Variants in JAK1 observed in about 807,000 individuals in gnomAD.
The protein encoded by JAK1 is Janus kinase 1, also known as tyrosine-protein kinase JAK1.
Under a neutral mutation model 136.6 loss-of-function variants are expected in JAK1, and 16 were observed. The observed-to-expected ratio is 0.12, with a 90% CI of 0.08 to 0.18. JAK1 has a LOEUF of 0.18. Ranked by LOEUF, JAK1 falls within the 10% of genes least tolerant of loss-of-function variation. The pLI is 1.00. For synonymous variants in JAK1, 492 were observed against 519.5 expected, an observed-to-expected ratio of 0.95 and a Z score of 0.72; for missense variants, 859 against 1,450.1, an observed-to-expected ratio of 0.59 and a Z score of 6.62.
intron 1 of JAK1, among the ~76,000 whole-genome samples, chr1:64,934,483 A>C (rs192121305): frequency 6.6e-6 from 1 of 152,126 alleles, no homozygotes; most frequent in East Asian, 1.9e-4. Context: ...GAATCCACAG[A>C]GCAGTAAAGA....
intron 1 of JAK1, among the ~76,000 whole-genome samples, chr1:64,931,496 T>C (rs1383665502): frequency 6.6e-6 from 1 of 151,734 alleles, no homozygotes; most frequent in African/African-American, 2.4e-5. Context: ...TCCCCAACCA[T>C]GGCAGTAGGA....
chr1:65,009,655 T>A (rs1232229340), intron 2 of JAK1, among the ~76,000 whole-genome samples: 1 of 152,184 alleles, frequency 6.6e-6, no homozygotes, highest in Non-Finnish European at 1.5e-5. Flanking sequence ...CCTGCTATGA[T>A]CCAGACACAT....
intron 1 of JAK1, among the ~76,000 whole-genome samples, chr1:64,946,158 G>A (rs1375027506): frequency 3.3e-5 from 5 of 151,890 alleles, no homozygotes; most frequent in Non-Finnish European, 7.4e-5. Context: ...CTTGTTAAGA[G>A]GGAGATCTAC....
At chr1:65,047,915 T>TA (rs534961906) in intron 1 of JAK1, among the ~76,000 whole-genome samples, 60 of 148,156 alleles carry the variant, frequency 4.0e-4, no homozygotes, top group East Asian at 3.4e-3. Context: ...ATAATACAGG[T>TA]AAAAAAAAAA....
intron 2 of JAK1, among the ~76,000 whole-genome samples, chr1:64,982,160 T>C (rs1049604728): frequency 6.6e-6 from 1 of 152,050 alleles, no homozygotes; most frequent in Non-Finnish European, 1.5e-5. Context: ...AAGCAGTCTT[T>C]CTGTTGGCTG....
chr1:65,028,561 T>G (rs1646997774), intron 2 of JAK1, among the ~76,000 whole-genome samples: 1 of 152,152 alleles, frequency 6.6e-6, no homozygotes. Context: ...ATACCACTAA[T>G]CCTTTCTCTT....
At chr1:64,956,826 C>T (rs1345135826) in intron 1 of JAK1, among the ~76,000 whole-genome samples, 1 of 152,136 alleles carries the variant, frequency 6.6e-6, no homozygotes, top group African/African-American at 2.4e-5. Flanking sequence ...ATAAATCTAC[C>T]ATTCACAGAA....
intron 2 of JAK1, chr1:64,985,672 T>C (rs1025251071): frequency 6.9e-6 from 5 of 725,124 alleles, no homozygotes; most frequent in Non-Finnish European, 1.3e-5. Context: ...ATGTCTCCGA[T>C]GTACGTGGGC....
intron 6 of JAK1, among the ~76,000 whole-genome samples, chr1:64,868,785 C>A (rs551146931): frequency 1.3e-5 from 2 of 152,290 alleles, no homozygotes; most frequent in South Asian, 4.1e-4. Flanking sequence ...TTAAATATTC[C>A]TTCACAGAGA....
chr1:64,837,316 T>TG (rs2100939915), intron 22 of JAK1, among the ~76,000 whole-genome samples: 1 of 152,294 alleles, frequency 6.6e-6, no homozygotes, highest in African/African-American at 2.4e-5. Context: ...TTTGTGTCCA[T>TG]GTAGGATGCA....
At chr1:65,018,793 G>T (rs1373595824) in intron 2 of JAK1, among the ~76,000 whole-genome samples, 3 of 152,104 alleles carry the variant, frequency 2.0e-5, no homozygotes, top group African/African-American at 7.2e-5. Flanking sequence ...GGCAGATCAC[G>T]AGGTCAGGAG....
chr1:64,898,914 A>G (rs1192973790), intron 1 of JAK1, among the ~76,000 whole-genome samples: 1 of 152,182 alleles, frequency 6.6e-6, no homozygotes, highest in African/African-American at 2.4e-5. Context: ...TGGATCCCAC[A>G]TTGCACCAAA....
At chr1:64,913,629 G>A (rs1021698602) in intron 1 of JAK1, among the ~76,000 whole-genome samples, 9 of 96,670 alleles carry the variant, frequency 9.3e-5, no homozygotes, top group South Asian at 4.3e-4. Context: ...GGGAGGGAGG[G>A]AGGGAGGAAG....
chr1:64,999,361 A>G (rs1227268310), intron 2 of JAK1, among the ~76,000 whole-genome samples: 1 of 152,146 alleles, frequency 6.6e-6, no homozygotes, highest in Non-Finnish European at 1.5e-5. Flanking sequence ...TGTATAGGAC[A>G]TTCCCCTTGG....
At chr1:64,887,265 T>G (rs900270384) in intron 1 of JAK1, among the ~76,000 whole-genome samples, 1 of 152,224 alleles carries the variant, frequency 6.6e-6, no homozygotes, top group Non-Finnish European at 1.5e-5. Flanking sequence ...GAGACAAGTA[T>G]GAATTTGATT....
intron 22 of JAK1, 56 bp downstream of exon 22, chr1:64,837,876 A>G (rs1394920203): frequency 1.0e-5 from 15 of 1,465,058 alleles, no homozygotes; most frequent in East Asian, 4.6e-5. Context: ...AGGGCCTATT[A>G]AAACAGTGTA....
At chr1:64,883,625 C>A in intron 2 of JAK1, 150 bp from the exon 3 acceptor site, 1 of 595,060 alleles carries the variant, frequency 1.7e-6, no homozygotes. Flanking sequence ...TTCCTGGAAA[C>A]CAAACATGTC....
intron 2 of JAK1, among the ~76,000 whole-genome samples, chr1:65,020,224 T>TG (rs1646926507): frequency 2.3e-5 from 1 of 43,310 alleles, no homozygotes; most frequent in African/African-American, 1.1e-4. Context: ...AAACTCCGTC[T>TG]CAAAAAAAAA....
intron 1 of JAK1, among the ~76,000 whole-genome samples, chr1:64,893,336 C>A (rs1308211517): frequency 2.6e-5 from 4 of 152,142 alleles, no homozygotes; most frequent in Non-Finnish European, 5.9e-5. Context: ...CAGCCCAGAT[C>A]CACTAGGACC....
Sources: allele counts gnomAD v4.1 joint callset (sites outside exome capture counted in the v4.1 genomes callset), GRCh38; gene constraint gnomAD v4.1.1; transcripts MANE v1.5; gene names NCBI Gene and HGNC (gene_info 2026-07-23, HGNC 2026-07-21).